SCG3: variants seen among roughly 807,000 people sequenced by gnomAD.
SCG3 encodes the protein secretogranin III.
In SCG3, 38 loss-of-function variants were observed where a neutral mutation model predicts 56.2. The observed-to-expected ratio is 0.68, with a 90% confidence interval of 0.52 to 0.89. The LOEUF is 0.89. SCG3 is among the 40% of genes least tolerant of loss of function. The pLI is 0.00. For missense variants in SCG3, 524 were observed against 540.7 expected (o/e 0.97, Z 0.31); for synonymous variants, 176 against 184.2 (o/e 0.96, Z 0.36).
chr15:51,691,464 G>T (rs964882068), intron 6 of SCG3, among the ~76,000 whole-genome samples: 2 of 152,150 alleles, frequency 1.3e-5, no homozygotes, highest in Non-Finnish European at 2.9e-5. Flanking sequence ...AATGAAGGCT[G>T]CTTGGACTAG....
rs1337212692 is a variant in SCG3 at position 51,720,090 on chromosome 15, A to G, written c.*564A>G. On this transcript the variant is annotated 3_prime_UTR_variant, in exon 12 of 12. Transcript: ENST00000220478. ...CAGTGACATAAAAAGGATCCAGGTA[A>G]ATGGGTATAGGATTTGCTGGATTTA... The G allele has an allele frequency of 6.6e-6, 1 of 152,328 alleles. No individual in the cohort carries two copies. The highest frequency in any genetic ancestry group is 1.9e-4 in the East Asian group (1 of 5,198). The allele number at this position is 152,328 out of a possible 1,614,324, so 9.4% of individuals were successfully genotyped here. A position where few individuals can be genotyped will look rare whatever the true frequency, so the allele number is the denominator to read the frequency against.
rs1285783767 is a variant in SCG3, at chr15:51,720,056, T to C, written c.*530T>C. 6.6e-6 allele frequency: 1 copy of C among 152,488 alleles called. No homozygotes were observed. Among genetic ancestry groups the C allele is most frequent in the Admixed American group, 6.5e-5 (1 of 15,294 alleles). 9.4% of individuals were successfully genotyped at this position (152,488 alleles called of 1,614,324 possible). ...TGGCTGCTCTTTTTAGCTGGCTTTT[T>C]ATTAGGCTCAGTGACATAAAAAGGA... is the stretch of plus-strand genomic sequence containing the variant. On this transcript the variant is annotated 3_prime_UTR_variant, in exon 12 of 12. Coordinates refer to ENST00000220478, the MANE Select transcript of SCG3 (RefSeq NM_013243.4).
chr15:51,719,650 T>C lies in SCG3; in HGVS notation c.*124T>C. 1 of 633,942 alleles carries C rather than the reference T, an allele frequency of 1.6e-6. No individual in the cohort carries two copies. Among genetic ancestry groups the C allele is most frequent in the South Asian group, 2.1e-5 (1 of 48,166 alleles). The allele number at this position is 633,942 out of a possible 1,614,324, so 39.3% of individuals were successfully genotyped here. A position where few individuals can be genotyped will look rare whatever the true frequency, so the allele number is the denominator to read the frequency against. On this transcript the variant is annotated 3_prime_UTR_variant, in exon 12 of 12. Coordinates refer to ENST00000220478, the MANE Select transcript of SCG3 (RefSeq NM_013243.4). ...TTATTAGAAAGTGCTGAATTTACAG[T>C]AGTTAACCTTTTACAAGTGGTTAAA...
chr15:51,708,855 T>G (rs1404474166), intron 10 of SCG3, among the ~76,000 whole-genome samples: 1 of 142,442 alleles, frequency 7.0e-6, no homozygotes, highest in Non-Finnish European at 1.6e-5. Context: ...CGAGACTCCA[T>G]CTAAAAAAAA....
At chr15:51,695,117 T>C (rs1166429037) in intron 7 of SCG3, among the ~76,000 whole-genome samples, 1 of 152,144 alleles carries the variant, frequency 6.6e-6, no homozygotes, top group East Asian at 1.9e-4. Context: ...GAAGAGAATA[T>C]TACTTTCCAT....
At chr15:51,714,575 A>C (rs2055441333) in intron 11 of SCG3, among the ~76,000 whole-genome samples, 1 of 152,214 alleles carries the variant, frequency 6.6e-6, no homozygotes, top group Non-Finnish European at 1.5e-5. Flanking sequence ...GTGCATCCAA[A>C]TCACCTGGGG....
chr15:51,688,248 C>A lies in SCG3; in HGVS notation c.398-12C>A. The A allele has an allele frequency of 1.2e-6, 2 of 1,606,262 alleles. No individual in the cohort carries two copies. Among genetic ancestry groups the A allele is most frequent in the South Asian group, 2.2e-5 (2 of 90,540 alleles). On this transcript the variant is annotated splice_polypyrimidine_tract_variant and intron_variant, in intron 4 of 11. Transcript: ENST00000220478. The stretch of plus-strand genomic sequence containing the variant: ...GATCACTATGGTGTGAAGTTGTGGT[C>A]GTTCTGTCTAGATGATCCAGATGGT...
chr15:51,687,223 C>T (rs868282390), intron 4 of SCG3, among the ~76,000 whole-genome samples: 2 of 152,094 alleles, frequency 1.3e-5, no homozygotes, highest in African/African-American at 4.8e-5. Flanking sequence ...CTTTTAATGG[C>T]ACAACAATCC....
At chr15:51,683,188 G>A in intron 3 of SCG3, 31 bp from the exon 4 acceptor site, 1 of 1,603,692 alleles carries the variant, frequency 6.2e-7, no homozygotes, top group Non-Finnish European at 8.5e-7. Flanking sequence ...GAACTAAAAT[G>A]GCTGTGTTGG....
chr15:51,712,117 GATA>G (rs2055424638), intron 10 of SCG3, among the ~76,000 whole-genome samples: 1 of 152,186 alleles, frequency 6.6e-6, no homozygotes, highest in African/African-American at 2.4e-5. Context: ...AAATGGGGAT[GATA>G]ATAAGACTGC....
chr15:51,713,364 A>C lies in SCG3; in HGVS notation c.1239A>C (p.Arg413Ser), dbSNP rs1205788726. The part of the protein sequence containing the change: ...GKTEAYLEAI[R>S]KNIEWLKKHD... ...CAGAAGCCTATTTGGAAGCCATCAGAAAAAATATTGAATGGTTGAAGAAAC... is the reference window on the plus strand; with the variant it reads ...CAGAAGCCTATTTGGAAGCCATCAGCAAAAATATTGAATGGTTGAAGAAAC... Residue 413 changes from arginine to serine, a missense_variant, in exon 11 of 12, where the codon AGA (arginine) becomes AGC (serine). Coordinates refer to ENST00000220478, the MANE Select transcript of SCG3 (RefSeq NM_013243.4). 3.1e-6 allele frequency: 5 copies of C among 1,607,020 alleles called. No homozygotes were observed. The highest frequency in any genetic ancestry group is 4.2e-6 in the Non-Finnish European group (5 of 1,177,400).
chr15:51,685,887 C>T (rs2055225705), intron 4 of SCG3, among the ~76,000 whole-genome samples: 1 of 152,170 alleles, frequency 6.6e-6, no homozygotes, highest in South Asian at 2.1e-4. Context: ...TGAGCAATTG[C>T]TATGTATTGG....
At chr15:51,702,844 C>T (rs2055348100) in intron 10 of SCG3, among the ~76,000 whole-genome samples, 1 of 152,178 alleles carries the variant, frequency 6.6e-6, no homozygotes, top group African/African-American at 2.4e-5. Flanking sequence ...GATATATTGG[C>T]ATCTTTGATA....
intron 11 of SCG3, among the ~76,000 whole-genome samples, chr15:51,717,377 A>T (rs1305211045): frequency 6.6e-6 from 1 of 151,578 alleles, no homozygotes; most frequent in Non-Finnish European, 1.5e-5. Context: ...CAAAAAAAAA[A>T]AAAAAATTAG....
At chr15:51,699,518 C>A in intron 9 of SCG3, 116 bp downstream of exon 9, 1 of 762,916 alleles carries the variant, frequency 1.3e-6, no homozygotes, top group Non-Finnish European at 2.1e-6. Context: ...GTGTTAAAAT[C>A]TGAAACGCAG....
chr15:51,686,525 C>T (rs1329677427), intron 4 of SCG3, among the ~76,000 whole-genome samples: 2 of 152,164 alleles, frequency 1.3e-5, no homozygotes, highest in East Asian at 1.9e-4. Context: ...ATTCTTCCAC[C>T]TCTGCATAGA....
chr15:51,715,582 C>T (rs375560418), intron 11 of SCG3, among the ~76,000 whole-genome samples: 3 of 151,938 alleles, frequency 2.0e-5, no homozygotes, highest in East Asian at 1.9e-4. Context: ...TTTTAAAAAG[C>T]GAATCACAGC....
At position 51,709,611 on chromosome 15, in the gene SCG3, CAAAT is replaced by C. The variant is rs1203423328; in HGVS notation, c.1208-3717_1208-3714del. Among the ~76,000 whole-genome samples the C allele has an allele frequency of 6.7e-5, 7 of 104,272 alleles. No homozygotes were observed. In the South Asian group the frequency reaches 1.1e-3, roughly 17 times the overall value. 68.4% of individuals were successfully genotyped at this position (104,272 alleles called of 152,430 possible). A position where few individuals can be genotyped will look rare whatever the true frequency, so the allele number is the denominator to read the frequency against. On this transcript the variant is annotated intron_variant, in intron 10 of 11. Transcript: ENST00000220478. ...AGAATCCATTAAATTTCAAGTCTCTCAAATAAATCATTCATTTTCACTAAAAAAA... is the reference window on the plus strand; with the variant it reads ...AGAATCCATTAAATTTCAAGTCTCTCAAATCATTCATTTTCACTAAAAAAA...
At chr15:51,719,333 C>A in intron 11 of SCG3, 75 bp from the exon 12 acceptor site, 1 of 957,490 alleles carries the variant, frequency 1.0e-6, no homozygotes, top group Non-Finnish European at 1.6e-6. Context: ...AAATGCTTCT[C>A]AGTTAATGGT....
Sources: allele counts gnomAD v4.1 joint callset (sites outside exome capture counted in the v4.1 genomes callset), GRCh38; gene constraint gnomAD v4.1.1; transcripts MANE v1.5; gene names NCBI Gene and HGNC (gene_info 2026-07-23, HGNC 2026-07-21).